Variants in TRDN observed in about 807,000 individuals in gnomAD.
The protein encoded by TRDN is triadin, also known as triadin in skeletal muscle.
In TRDN, 161 loss-of-function variants were observed where a neutral mutation model predicts 149.7. The ratio of observed to expected loss-of-function variants is 1.08; its 90% confidence interval spans 0.95 to 1.23. The LOEUF (loss-of-function observed/expected upper bound fraction) is 1.23, where lower values mean the gene tolerates loss of function less well. Ranked by LOEUF, TRDN falls within the 50% of genes most tolerant of loss-of-function variation. TRDN has a pLI of 0.00. For synonymous variants in TRDN, 294 were observed against 250.5 expected, an observed-to-expected ratio of 1.17 and a Z score of -1.64; for missense variants, 896 against 823.5, an observed-to-expected ratio of 1.09 and a Z score of -1.08.
At chr6:123,271,039 C>CTCTGTGTG in intron 30 of TRDN, 100 bp downstream of exon 30, 1 of 419,538 alleles carries the variant, frequency 2.4e-6, no homozygotes, top group Non-Finnish European at 4.1e-6. Context: ...CAGTGAAGGG[C>CTCTGTGTG]TGTGTGTGTG....
chr6:123,607,335 ATTG>A (rs1784572800), intron 1 of TRDN, among the ~76,000 whole-genome samples: 2 of 152,204 alleles, frequency 1.3e-5, no homozygotes, highest in Admixed American at 6.5e-5. Flanking sequence ...TAAACTCACT[ATTG>A]TTGGTAAAAA....
At chr6:123,385,287 G>C (rs1375411733) in intron 14 of TRDN, among the ~76,000 whole-genome samples, 3 of 151,986 alleles carry the variant, frequency 2.0e-5, no homozygotes, top group Admixed American at 6.5e-5. Flanking sequence ...AATTAGCCGG[G>C]TGTGGTAGCA....
intron 1 of TRDN, among the ~76,000 whole-genome samples, chr6:123,628,680 C>A (rs757117839): frequency 6.6e-6 from 1 of 152,100 alleles, no homozygotes; most frequent in Non-Finnish European, 1.5e-5. Flanking sequence ...AAATTGGAAT[C>A]AAATGTTTTA....
At chr6:123,397,192 A>G (rs1772767599) in intron 12 of TRDN, among the ~76,000 whole-genome samples, 1 of 152,220 alleles carries the variant, frequency 6.6e-6, no homozygotes, top group Non-Finnish European at 1.5e-5. Flanking sequence ...AACAAAATAA[A>G]TAAGAAAGAC....
chr6:123,625,913 A>G (rs1156555435), intron 1 of TRDN, among the ~76,000 whole-genome samples: 2 of 152,158 alleles, frequency 1.3e-5, no homozygotes, highest in Admixed American at 1.3e-4. Context: ...ATTACTTAAA[A>G]TAAGACAAGA....
rs143095247 is a variant in TRDN, at chr6:123,286,119, T to G, written c.1511-7037A>C. On this transcript the variant is annotated intron_variant, in intron 24 of 40. Transcript: ENST00000334268. The stretch of plus-strand genomic sequence containing the variant: ...CCACTTTGGAAAACAGTTTGGAGAT[T>G]TCTTAAAGAACTAAAAGTAGAACTA... Among the ~76,000 whole-genome samples the G allele has an allele frequency of 3.2e-3, 486 of 152,242 alleles. 4 individuals are homozygous for G. Among genetic ancestry groups the G allele is most frequent in the African/African-American group, 0.011 (453 of 41,556 alleles).
intron 1 of TRDN, among the ~76,000 whole-genome samples, chr6:123,596,034 C>T (rs191136497): frequency 3.3e-5 from 5 of 152,162 alleles, no homozygotes; most frequent in Non-Finnish European, 7.4e-5. Flanking sequence ...ATGTTCAAAG[C>T]TGAGCTAGGC....
intron 21 of TRDN, among the ~76,000 whole-genome samples, chr6:123,339,677 A>G (rs1779998419): frequency 6.6e-6 from 1 of 152,198 alleles, no homozygotes; most frequent in African/African-American, 2.4e-5. Context: ...TGACTTATTA[A>G]GTAAACCAAT....
At chr6:123,608,040 G>A (rs540747561) in intron 1 of TRDN, among the ~76,000 whole-genome samples, 1 of 151,986 alleles carries the variant, frequency 6.6e-6, no homozygotes, top group East Asian at 1.9e-4. Flanking sequence ...CCAATAAGGT[G>A]TCAACTATAC....
intron 24 of TRDN, among the ~76,000 whole-genome samples, chr6:123,287,475 G>A (rs1562246397): frequency 6.6e-6 from 1 of 152,092 alleles, no homozygotes. Context: ...GAGAACCACT[G>A]TTTGATAACC....
At chr6:123,455,450 T>TGTATGTG (rs1776059569) in intron 10 of TRDN, among the ~76,000 whole-genome samples, 1 of 144,044 alleles carries the variant, frequency 6.9e-6, no homozygotes, top group African/African-American at 2.7e-5. Context: ...CTGTGTGTGT[T>TGTATGTG]AGAGAAACAA....
chr6:123,581,938 T>G (rs1240322156), intron 1 of TRDN, among the ~76,000 whole-genome samples: 4 of 152,192 alleles, frequency 2.6e-5, no homozygotes. Flanking sequence ...AATGGGTAGA[T>G]AGCCAATCAA....
At chr6:123,454,481 A>C (rs1315564341) in intron 10 of TRDN, among the ~76,000 whole-genome samples, 1 of 152,170 alleles carries the variant, frequency 6.6e-6, no homozygotes, top group Non-Finnish European at 1.5e-5. Context: ...ATGCACTAGA[A>C]TATACTTCAT....
chr6:123,333,545 C>T (rs1169687012), intron 22 of TRDN, among the ~76,000 whole-genome samples: 1 of 152,090 alleles, frequency 6.6e-6, no homozygotes, highest in Non-Finnish European at 1.5e-5. Flanking sequence ...TCATCACTTG[C>T]ACTGACTTTC....
chr6:123,464,754 C>T (rs945472376), intron 10 of TRDN, 152 bp downstream of exon 10: 2 of 1,401,750 alleles, frequency 1.4e-6, no homozygotes, highest in African/African-American at 2.9e-5. Flanking sequence ...AAGCAAATTG[C>T]AATTTTAGGA....
At chr6:123,314,967 C>A (rs1778971617) in intron 24 of TRDN, among the ~76,000 whole-genome samples, 1 of 151,876 alleles carries the variant, frequency 6.6e-6, no homozygotes, top group African/African-American at 2.4e-5. Context: ...GTGTAACAAA[C>A]CTGCACATCC....
chr6:123,467,816 GATATT>G (rs1355114494), intron 9 of TRDN, among the ~76,000 whole-genome samples: 4 of 151,838 alleles, frequency 2.6e-5, no homozygotes, highest in African/African-American at 9.7e-5. Flanking sequence ...TATTAAATGT[GATATT>G]ATATTTATAA....
intron 23 of TRDN, among the ~76,000 whole-genome samples, chr6:123,323,831 T>G (rs1779347115): frequency 6.6e-6 from 1 of 152,258 alleles, no homozygotes; most frequent in Non-Finnish European, 1.5e-5. Flanking sequence ...TGCTTTTATC[T>G]GTTCTTTCTT....
chr6:123,443,661 T>C lies in TRDN; in HGVS notation c.932-4658A>G, dbSNP rs144314423. ...CAAAAAATTAGCCAGGGGTCAAACG[T>C]TTAAGTCTTTAATCCATCTTGAATT... On this transcript the variant is annotated intron_variant, in intron 10 of 40. Coordinates refer to ENST00000334268, the MANE Select transcript of TRDN (RefSeq NM_006073.4). Among the ~76,000 whole-genome samples, 425 of 151,998 alleles carry C rather than the reference T, an allele frequency of 2.8e-3. 2 individuals are homozygous for C. Among genetic ancestry groups the C allele is most frequent in the African/African-American group, 9.7e-3 (402 of 41,358 alleles).
Sources: allele counts gnomAD v4.1 joint callset (sites outside exome capture counted in the v4.1 genomes callset), GRCh38; gene constraint gnomAD v4.1.1; transcripts MANE v1.5; gene names NCBI Gene and HGNC (gene_info 2026-07-23, HGNC 2026-07-21).